Variants in JAKMIP3 observed in about 807,000 individuals in gnomAD.
JAKMIP3 encodes Janus kinase and microtubule interacting protein 3, also known as janus kinase and microtubule-interacting protein 3.
In JAKMIP3, 58 loss-of-function variants were observed where a neutral mutation model predicts 118.5. The observed-to-expected ratio is 0.49, with a 90% CI of 0.40 to 0.61. The LOEUF (loss-of-function observed/expected upper bound fraction) is 0.61, where lower values mean the gene tolerates loss of function less well. Among genes scored for constraint, JAKMIP3 ranks in the 20% least tolerant of loss-of-function variants. The pLI is 0.00. For missense variants in JAKMIP3, 950 were observed against 1,109.0 expected, an observed-to-expected ratio of 0.86 and a Z score of 2.04; for synonymous variants, 486 against 451.2, an observed-to-expected ratio of 1.08 and a Z score of -0.98.
chr10:132,090,436 T>TG (rs776520872), intron 1 of JAKMIP3, among the ~76,000 whole-genome samples: 49 of 152,318 alleles, frequency 3.2e-4, no homozygotes, highest in Admixed American at 4.6e-4. Flanking sequence ...GGTTTAGTCT[T>TG]GGGAGGGTGT....
intron 2 of JAKMIP3, among the ~76,000 whole-genome samples, chr10:132,115,911 T>C (rs1461022509): frequency 2.0e-5 from 3 of 152,240 alleles, no homozygotes; most frequent in African/African-American, 7.2e-5. Context: ...AGTATGGCCG[T>C]GTCCAGCCAT....
rs2039948649 is a variant in JAKMIP3 at position 132,071,853 on chromosome 10, C to CCTTT, written c.-138+5798_-138+5801dup. 2.5e-3 allele frequency among the ~76,000 whole-genome samples: 288 copies of CCTTT among 114,994 alleles called. 1 individual carries two copies. Among genetic ancestry groups the CCTTT allele is most frequent in the African/African-American group, 9.8e-3 (261 of 26,536 alleles). The allele number at this position is 114,994 out of a possible 152,430, so 75.4% of individuals were successfully genotyped here. ...TTTCTTCCCTTTCCTTTCTTTCTTTCCTTTCTTTCCTTTCTTTCTTTCCTT... is the reference window on the plus strand; with the variant it reads ...TTTCTTCCCTTTCCTTTCTTTCTTTCCTTTCTTTCTTTCCTTTCTTTCTTTCCTT... On this transcript the variant is annotated intron_variant, in intron 1 of 23. Transcript: ENST00000684848.
At position 132,180,723 on chromosome 10, in the gene JAKMIP3, G is replaced by GCA. The variant is rs2061152160; in HGVS notation, c.*1104-1634_*1104-1633insCA. On this transcript the variant is annotated intron_variant, in intron 23 of 23. Coordinates refer to ENST00000684848, the MANE Select transcript of JAKMIP3 (RefSeq NM_001323087.2). ...TGTGTGTGTGCGCGTGTGTGTGCGT[G>GCA]TGTGTGCGTGTGTGCGTGCGTGCGC... Among the ~76,000 whole-genome samples the GCA allele has an allele frequency of 2.5e-4, 7 of 27,792 alleles. 2 individuals carry two copies. Among genetic ancestry groups the GCA allele is most frequent in the African/African-American group, 1.1e-3 (6 of 5,528 alleles). The allele number at this position is 27,792 out of a possible 152,430, so 18.2% of individuals were successfully genotyped here.
chr10:132,170,358 T>C (rs918765732), intron 23 of JAKMIP3: 1 of 152,238 alleles, frequency 6.6e-6, no homozygotes, highest in African/African-American at 2.4e-5. Flanking sequence ...CTCCCCGCCA[T>C]ACGAACCTCC....
chr10:132,168,622 A>C lies in JAKMIP3; in HGVS notation c.*692A>C. On this transcript the variant is annotated 3_prime_UTR_variant, in exon 23 of 24. Coordinates refer to ENST00000684848, the MANE Select transcript of JAKMIP3 (RefSeq NM_001323087.2). ...CGCCGCGGGCCGCGTGGTGCCATCA[A>C]CCCTCTGCCTCCCTACTCAACCTGA... 1 of 343,768 alleles carries C rather than the reference A, an allele frequency of 2.9e-6. No homozygotes were observed. Among genetic ancestry groups the C allele is most frequent in the African/African-American group, 2.2e-5 (1 of 46,086 alleles). 21.3% of individuals were successfully genotyped at this position (343,768 alleles called of 1,614,324 possible).
At chr10:132,056,626 C>T (rs892963768) in intron 1 of JAKMIP3, among the ~76,000 whole-genome samples, 8 of 152,184 alleles carry the variant, frequency 5.3e-5, no homozygotes, top group Non-Finnish European at 8.8e-5. Flanking sequence ...GGGTTGAAAG[C>T]GAGGCAGATC....
chr10:132,078,692 G>A (rs1004381631), intron 1 of JAKMIP3, among the ~76,000 whole-genome samples: 2 of 152,080 alleles, frequency 1.3e-5, no homozygotes, highest in South Asian at 4.1e-4. Context: ...AGGTTTTGGG[G>A]TTTCTTTTCC....
Position 132,183,789 on chromosome 10 carries a change from G to GT in JAKMIP3, c.*2541dup, listed in dbSNP as rs1377044119. On this transcript the variant is annotated 3_prime_UTR_variant, in exon 24 of 24. Transcript: ENST00000684848. ...ACAATACCCAGCATTTCAGAACTGG[G>GT]TTTTTGCCCCCAAAAAGGTAAATAT... The GT allele has an allele frequency of 6.6e-6, 1 of 152,152 alleles. No individual in the cohort carries two copies. Among genetic ancestry groups the GT allele is most frequent in the African/African-American group, 2.4e-5 (1 of 41,430 alleles). 9.4% of individuals were successfully genotyped at this position (152,152 alleles called of 1,614,324 possible).
intron 11 of JAKMIP3, 101 bp downstream of exon 11, chr10:132,142,149 C>T (rs553995020): frequency 7.1e-5 from 92 of 1,298,760 alleles, no homozygotes; most frequent in South Asian, 1.3e-4. Flanking sequence ...CTCCTGGGCC[C>T]GGGCCCCTCC....
intron 1 of JAKMIP3, among the ~76,000 whole-genome samples, chr10:132,046,166 G>A (rs980937380): frequency 2.6e-5 from 4 of 151,790 alleles, no homozygotes; most frequent in South Asian, 2.1e-4. Context: ...AGATAAAGCC[G>A]TCCAGGGGCC....
chr10:132,041,916 G>A (rs911611834), intron 1 of JAKMIP3, among the ~76,000 whole-genome samples: 3 of 151,484 alleles, frequency 2.0e-5, no homozygotes, highest in African/African-American at 7.3e-5. Context: ...GCCCAGGCTG[G>A]AGTACAGTGG....
chr10:132,122,259 C>T (rs1281296552), intron 3 of JAKMIP3, among the ~76,000 whole-genome samples: 5 of 151,876 alleles, frequency 3.3e-5, no homozygotes, highest in Non-Finnish European at 5.9e-5. Context: ...GACTGCCCCC[C>T]GGTCGGCTCC....
At chr10:132,060,123 G>A (rs965528165), upstream of JAKMIP3, among the ~76,000 whole-genome samples, 10 of 152,192 alleles carry the variant, frequency 6.6e-5, no homozygotes, top group South Asian at 6.2e-4. Flanking sequence ...GACACTGGAC[G>A]AAATAAGCCC....
At chr10:132,161,737 G>A (rs1370458207) in intron 19 of JAKMIP3, among the ~76,000 whole-genome samples, 5 of 43,682 alleles carry the variant, frequency 1.1e-4, no homozygotes, top group Admixed American at 5.2e-4. Flanking sequence ...ATGCTGGGGG[G>A]TATCTCTCCC....
intron 19 of JAKMIP3, 89 bp downstream of exon 19, chr10:132,154,079 C>CCCA: frequency 1.7e-6 from 2 of 1,200,304 alleles, no homozygotes; most frequent in Non-Finnish European, 2.4e-6. Flanking sequence ...GCCTCAGGTG[C>CCCA]CCATGTGGGC....
chr10:132,105,212 A>G (rs2045721540), intron 2 of JAKMIP3, among the ~76,000 whole-genome samples: 2 of 152,216 alleles, frequency 1.3e-5, no homozygotes, highest in South Asian at 4.1e-4. Flanking sequence ...CAGCCCTCCC[A>G]TCTGAGGCCG....
Position 132,117,311 on chromosome 10 carries a change from C to A in JAKMIP3, c.370C>A (p.Arg124Ser), listed in dbSNP as rs375429968. The A allele has an allele frequency of 6.2e-7, 1 of 1,613,928 alleles. No individual in the cohort carries two copies. Among genetic ancestry groups the A allele is most frequent in the Non-Finnish European group, 8.5e-7 (1 of 1,179,894 alleles). ...QRLQALLSAL[R>S]DGGPEKVKTV... ...GCTGCAGGCACTGCTCAGTGCCCTG[C>A]GTGATGGCGGCCCCGAAAAGGTCAA... The change falls in exon 3 of 24, where the codon CGT becomes AGT. Residue 124 changes from arginine (R) to serine (S), a missense_variant. Transcript: ENST00000684848. The surrounding 1 kb of genome is among the most constrained non-coding windows in gnomAD (Gnocchi z 8.6).
At chr10:132,100,549 G>A (rs933991818) in intron 1 of JAKMIP3, among the ~76,000 whole-genome samples, 8 of 152,152 alleles carry the variant, frequency 5.3e-5, no homozygotes, top group Non-Finnish European at 1.2e-4. Flanking sequence ...CGAGGGTTGG[G>A]GGGTGAGCAG....
chr10:132,046,479 C>T (rs1425525814), intron 1 of JAKMIP3, among the ~76,000 whole-genome samples: 4 of 150,846 alleles, frequency 2.7e-5, no homozygotes, highest in African/African-American at 9.7e-5. Context: ...AAACAACCAT[C>T]CAGGGCGTCC....
Sources: allele counts gnomAD v4.1 joint callset (sites outside exome capture counted in the v4.1 genomes callset), GRCh38; gene constraint gnomAD v4.1.1; non-coding constraint Gnocchi (gnomAD v3.1); transcripts MANE v1.5; gene names NCBI Gene and HGNC (gene_info 2026-07-23, HGNC 2026-07-21).